The following MARCHF5 variants were observed in gnomAD, a reference collection of about 807,000 sequenced individuals.
MARCHF5 encodes the protein membrane associated ring-CH-type finger 5.
In MARCHF5, 5 loss-of-function variants were observed where a neutral mutation model predicts 36.5. That is an observed-to-expected ratio of 0.14 (90% CI 0.07 to 0.29). The LOEUF is 0.29. Ranked by LOEUF, MARCHF5 falls within the 10% of genes least tolerant of loss-of-function variation. MARCHF5 has a pLI of 1.00. For synonymous variants in MARCHF5, 103 were observed against 109.9 expected (o/e 0.94, Z 0.39); for missense variants, 179 against 336.3 (o/e 0.53, Z 3.66).
intron 1 of MARCHF5, among the ~76,000 whole-genome samples, chr10:92,293,410 A>G (rs1400898879): frequency 6.6e-6 from 1 of 152,034 alleles, no homozygotes; most frequent in African/African-American, 2.4e-5. Context: ...AGCCTAGAAA[A>G]GTTCTTATGT....
chr10:92,343,303 T>C (rs182938214), intron 3 of MARCHF5, among the ~76,000 whole-genome samples: 1 of 152,298 alleles, frequency 6.6e-6, no homozygotes, highest in Admixed American at 6.5e-5. Context: ...CCATAGAACT[T>C]ACAGGCAACT....
Position 92,291,519 on chromosome 10 carries a change from A to G in MARCHF5, c.25A>G (p.Met9Val). Residue 9 changes from methionine (M) to valine (V), a missense_variant, in exon 1 of 6, where the codon ATG becomes GTG. Around this residue, in one of 3 missense-constraint regions of MARCHF5, gnomAD observed 18 missense variants for 16.3 expected, o/e 1.11. Coordinates refer to ENST00000358935, the MANE Select transcript of MARCHF5 (RefSeq NM_017824.5). MPDQALQQ[M>V]LDRSCWVCFA... ...GATGCCGGACCAAGCCCTACAGCAGATGCTGGACAGGTACGGGCAGCTGTG... is the reference window on the plus strand; with the variant it reads ...GATGCCGGACCAAGCCCTACAGCAGGTGCTGGACAGGTACGGGCAGCTGTG... 6.5e-7 allele frequency: 1 copy of G among 1,546,510 alleles called. No homozygotes were observed. Among genetic ancestry groups the G allele is most frequent in the Non-Finnish European group, 8.7e-7 (1 of 1,145,096 alleles).
At chr10:92,307,561 A>C (rs555374422) in intron 1 of MARCHF5, among the ~76,000 whole-genome samples, 7 of 151,982 alleles carry the variant, frequency 4.6e-5, no homozygotes, top group African/African-American at 1.7e-4. Flanking sequence ...TCCTGTCTCT[A>C]AAAAAAAAAT....
intron 5 of MARCHF5, 106 bp from the exon 6 acceptor site, chr10:92,350,985 G>C: frequency 1.5e-6 from 1 of 654,896 alleles, no homozygotes; most frequent in Non-Finnish European, 2.7e-6. Flanking sequence ...ATCTGAATTA[G>C]TTTAGCATCA....
Position 92,291,271 on chromosome 10 carries a change from C to T in MARCHF5, c.-224C>T. On this transcript the variant is annotated 5_prime_UTR_variant, in exon 1 of 6. Coordinates refer to ENST00000358935, the MANE Select transcript of MARCHF5 (RefSeq NM_017824.5). ...GAACCCGGGCCGCGATCGCCGCCTC[C>T]CCGCCTCAGGCTCCTCCTCCTCGCT... 1 of 542,572 alleles carries T rather than the reference C, an allele frequency of 1.8e-6. No individual in the cohort carries two copies. Among genetic ancestry groups the T allele is most frequent in the Non-Finnish European group, 3.2e-6 (1 of 312,510 alleles). 33.6% of individuals were successfully genotyped at this position (542,572 alleles called of 1,614,324 possible). A position where few individuals can be genotyped will look rare whatever the true frequency, so the allele number is the denominator to read the frequency against.
intron 3 of MARCHF5, among the ~76,000 whole-genome samples, chr10:92,344,688 G>A (rs567104741): frequency 1.3e-5 from 2 of 152,220 alleles, no homozygotes; most frequent in African/African-American, 4.8e-5. Context: ...TGCAGTACAA[G>A]TAAACCAAAT....
chr10:92,327,209 C>G (rs923172766), intron 2 of MARCHF5, among the ~76,000 whole-genome samples: 14 of 151,604 alleles, frequency 9.2e-5, no homozygotes, highest in African/African-American at 2.7e-4. Flanking sequence ...TCTCTCCTAT[C>G]ATTTGAACAC....
chr10:92,331,768 T>G (rs901216980), intron 2 of MARCHF5, among the ~76,000 whole-genome samples: 2 of 150,924 alleles, frequency 1.3e-5, no homozygotes, highest in Non-Finnish European at 2.9e-5. Flanking sequence ...ACTGTGGTGA[T>G]CTTCAGTGAT....
intron 1 of MARCHF5, among the ~76,000 whole-genome samples, chr10:92,302,631 A>G (rs1051889635): frequency 2.6e-5 from 4 of 151,856 alleles, no homozygotes; most frequent in Non-Finnish European, 4.4e-5. Context: ...TTTAGTAGAG[A>G]CGGGGTTTCT....
chr10:92,300,485 A>G (rs1447290454), intron 1 of MARCHF5, among the ~76,000 whole-genome samples: 4 of 152,094 alleles, frequency 2.6e-5, no homozygotes, highest in African/African-American at 9.6e-5. Flanking sequence ...GCCACAGAGC[A>G]AGACCCTGTC....
intron 2 of MARCHF5, among the ~76,000 whole-genome samples, chr10:92,337,371 G>A (rs1046702655): frequency 1.3e-5 from 2 of 151,672 alleles, no homozygotes; most frequent in Non-Finnish European, 1.5e-5. Context: ...AAAATTAGCC[G>A]GGCGTGGTGG....
At chr10:92,325,570 A>G (rs977022683) in intron 2 of MARCHF5, among the ~76,000 whole-genome samples, 1 of 152,220 alleles carries the variant, frequency 6.6e-6, no homozygotes, top group Admixed American at 6.5e-5. Flanking sequence ...CAATTTTGTC[A>G]TAAAAATCCC....
In MARCHF5 at chr10:92,353,726, A is replaced by T. The variant is rs533655405; in HGVS notation, c.*2519A>T. ...TTAATGTTTTAAACCTCTTTTATAA[A>T]ATTCAATGACGACTACTAGAATTCT... On this transcript the variant is annotated 3_prime_UTR_variant, in exon 6 of 6. Coordinates refer to ENST00000358935, the MANE Select transcript of MARCHF5 (RefSeq NM_017824.5). 2 of 134,714 alleles carry T rather than the reference A, an allele frequency of 1.5e-5. No homozygotes were observed. Among genetic ancestry groups the T allele is most frequent in the South Asian group, 4.5e-4 (2 of 4,454 alleles). The allele number at this position is 134,714 out of a possible 1,614,324, so 8.3% of individuals were successfully genotyped here. A position where few individuals can be genotyped will look rare whatever the true frequency, so the allele number is the denominator to read the frequency against.
At position 92,291,253 on chromosome 10, in the gene MARCHF5, G is replaced by A; in HGVS notation, c.-242G>A. 1.8e-6 allele frequency: 1 copy of A among 541,428 alleles called. No individual in the cohort carries two copies. The highest frequency in any genetic ancestry group is 3.2e-6 in the Non-Finnish European group (1 of 311,602). The allele number at this position is 541,428 out of a possible 1,614,324, so 33.5% of individuals were successfully genotyped here. A position where few individuals can be genotyped will look rare whatever the true frequency, so the allele number is the denominator to read the frequency against. ...CCTCGGGCCGACGGACGGGAACCCG[G>A]GCCGCGATCGCCGCCTCCCCGCCTC... On this transcript the variant is annotated 5_prime_UTR_variant, in exon 1 of 6. Coordinates refer to ENST00000358935, the MANE Select transcript of MARCHF5 (RefSeq NM_017824.5).
At chr10:92,305,280 G>T (rs1843061914) in intron 1 of MARCHF5, among the ~76,000 whole-genome samples, 1 of 152,076 alleles carries the variant, frequency 6.6e-6, no homozygotes, top group South Asian at 2.1e-4. Flanking sequence ...GGTGGCACGT[G>T]CCTGTAGTCC....
At chr10:92,307,440 CT>C (rs1843089000) in intron 1 of MARCHF5, among the ~76,000 whole-genome samples, 1 of 152,070 alleles carries the variant, frequency 6.6e-6, no homozygotes, top group Non-Finnish European at 1.5e-5. Flanking sequence ...TTCTTTAGAA[CT>C]TAACATATTT....
At chr10:92,294,214 G>T (rs749796958) in intron 1 of MARCHF5, among the ~76,000 whole-genome samples, 1 of 152,166 alleles carries the variant, frequency 6.6e-6, no homozygotes, top group Non-Finnish European at 1.5e-5. Context: ...TGGGCTCAGA[G>T]ATAGAAAGTA....
chr10:92,324,677 A>G (rs1261564236), intron 2 of MARCHF5, among the ~76,000 whole-genome samples: 1 of 152,178 alleles, frequency 6.6e-6, no homozygotes, highest in African/African-American at 2.4e-5. Flanking sequence ...GCTGTATATC[A>G]TAATTTTTGT....
chr10:92,323,497 T>C (rs1843315623), intron 2 of MARCHF5, among the ~76,000 whole-genome samples: 1 of 152,202 alleles, frequency 6.6e-6, no homozygotes, highest in African/African-American at 2.4e-5. Flanking sequence ...AACTGTATAA[T>C]AACATGTATC....
Sources: allele counts gnomAD v4.1 joint callset (sites outside exome capture counted in the v4.1 genomes callset), GRCh38; gene constraint gnomAD v4.1.1; regional missense constraint gnomAD v4.1.1; transcripts MANE v1.5; gene names NCBI Gene and HGNC (gene_info 2026-07-23, HGNC 2026-07-21).